The following ANKRD31 variants were observed in gnomAD, a reference collection of about 807,000 sequenced individuals.
ANKRD31 encodes ankyrin repeat domain-containing protein 31.
Under a neutral mutation model 186.0 loss-of-function variants are expected in ANKRD31, and 147 were observed. The ratio of observed to expected loss-of-function variants is 0.79; its 90% CI spans 0.69 to 0.91. ANKRD31 has a LOEUF of 0.91. Among genes scored for constraint, ANKRD31 ranks in the 40% least tolerant of loss-of-function variants. The pLI is 0.00. For synonymous variants in ANKRD31, 673 were observed against 736.4 expected (o/e 0.91, Z 1.39); for missense variants, 1,986 against 2,148.8 (o/e 0.92, Z 1.50).
Position 75,160,659 on chromosome 5 carries a change from G to A in ANKRD31, c.1708-6314C>T. Among the ~76,000 whole-genome samples the A allele has an allele frequency of 2.0e-5, 3 of 152,258 alleles. 1 individual carries two copies. The South Asian group carries it at 6.2e-4, about 32-fold the overall frequency. The stretch of plus-strand genomic sequence containing the variant: ...GACATACCATGCAAATGGCAAAAGA[G>A]ACCTGGAGTGGTGGTCTGGTTTGGC... On this transcript the variant is annotated intron_variant, in intron 11 of 25. Transcript: ENST00000506364.
intron 17 of ANKRD31, among the ~76,000 whole-genome samples, chr5:75,122,095 CTAAA>C (rs1748838369): frequency 6.6e-6 from 1 of 151,542 alleles, no homozygotes; most frequent in Non-Finnish European, 1.5e-5. Flanking sequence ...GAAAGAATAT[CTAAA>C]TAAACATAAT....
At chr5:75,158,015 G>A (rs542315434) in intron 11 of ANKRD31, among the ~76,000 whole-genome samples, 15 of 152,236 alleles carry the variant, frequency 9.9e-5, no homozygotes, top group Middle Eastern at 3.4e-3. Context: ...GGAGATTAGC[G>A]AATAGATAGT....
At chr5:75,179,046 G>A (rs1754056658) in intron 10 of ANKRD31, among the ~76,000 whole-genome samples, 1 of 152,044 alleles carries the variant, frequency 6.6e-6, no homozygotes, top group Non-Finnish European at 1.5e-5. Flanking sequence ...AAATGACAAA[G>A]GGGATATCAC....
intron 23 of ANKRD31, among the ~76,000 whole-genome samples, chr5:75,087,262 A>T (rs1043722244): frequency 6.6e-6 from 1 of 152,178 alleles, no homozygotes; most frequent in Non-Finnish European, 1.5e-5. Flanking sequence ...CTGTAACCCC[A>T]GCACTTTGGG....
At chr5:75,131,697 G>A (rs969434179) in intron 17 of ANKRD31, among the ~76,000 whole-genome samples, 9 of 152,180 alleles carry the variant, frequency 5.9e-5, no homozygotes, top group Admixed American at 4.6e-4. Flanking sequence ...ATCTGAGAAC[G>A]GACAGACTGC....
intron 6 of ANKRD31, among the ~76,000 whole-genome samples, chr5:75,198,583 C>G (rs1755620745): frequency 6.6e-6 from 1 of 152,110 alleles, no homozygotes; most frequent in African/African-American, 2.4e-5. Context: ...CTCAGAAGAT[C>G]TATTAATATT....
chr5:75,235,241 C>CTTTT (rs35626841), intron 1 of ANKRD31, among the ~76,000 whole-genome samples: 23 of 99,884 alleles, frequency 2.3e-4, no homozygotes, highest in African/African-American at 3.2e-4. Context: ...CTTGCTGGTA[C>CTTTT]TTTTTTTTTT....
chr5:75,180,447 C>G (rs1056600552), intron 10 of ANKRD31, among the ~76,000 whole-genome samples: 1 of 152,118 alleles, frequency 6.6e-6, no homozygotes, highest in South Asian at 2.1e-4. Flanking sequence ...GCCAAAAGAA[C>G]AAAGCTGGAG....
intron 19 of ANKRD31, among the ~76,000 whole-genome samples, chr5:75,115,804 C>G (rs11954242): frequency 0.5 from 75,813 of 150,216 alleles, 22,249 homozygotes; most frequent in African/African-American, 0.82. Flanking sequence ...CTTTTATACT[C>G]TTGGTGGGAC....
intron 10 of ANKRD31, among the ~76,000 whole-genome samples, chr5:75,183,859 C>T (rs924016566): frequency 5.9e-5 from 9 of 151,980 alleles, no homozygotes; most frequent in Admixed American, 4.6e-4. Flanking sequence ...AGATTCAATG[C>T]AATCTCTATC....
chr5:75,188,966 ATCT>A (rs1234486868), intron 9 of ANKRD31, among the ~76,000 whole-genome samples: 1 of 152,172 alleles, frequency 6.6e-6, no homozygotes, highest in African/African-American at 2.4e-5. Context: ...CTAACAGATA[ATCT>A]TCTTAAAAGT....
intron 17 of ANKRD31, among the ~76,000 whole-genome samples, chr5:75,130,230 G>A (rs1345687491): frequency 6.6e-6 from 1 of 152,198 alleles, no homozygotes; most frequent in East Asian, 1.9e-4. Context: ...GGTCTCGCTG[G>A]CTTCAAGAGT....
intron 2 of ANKRD31, among the ~76,000 whole-genome samples, chr5:75,222,926 T>C (rs1240643847): frequency 6.6e-6 from 1 of 152,238 alleles, no homozygotes; most frequent in Non-Finnish European, 1.5e-5. Context: ...GTCTTTATAG[T>C]ACAATGACTT....
At chr5:75,187,695 C>T (rs889511664) in intron 10 of ANKRD31, among the ~76,000 whole-genome samples, 5 of 152,012 alleles carry the variant, frequency 3.3e-5, no homozygotes, top group Non-Finnish European at 7.4e-5. Context: ...AAATAATATC[C>T]TGTTAAAATC....
chr5:75,088,169 C>T (rs1745643781), intron 23 of ANKRD31, among the ~76,000 whole-genome samples: 1 of 152,112 alleles, frequency 6.6e-6, no homozygotes, highest in Admixed American at 6.5e-5. Context: ...TTCTATGCTC[C>T]CACCCCAACC....
At chr5:75,076,628 A>C (rs901641574) in intron 25 of ANKRD31, among the ~76,000 whole-genome samples, 12 of 152,206 alleles carry the variant, frequency 7.9e-5, no homozygotes, top group African/African-American at 2.9e-4. Flanking sequence ...TGATTAACTA[A>C]ATCTTTAGCC....
chr5:75,138,921 C>A lies in ANKRD31; in HGVS notation c.3658G>T (p.Val1220Phe), dbSNP rs891561270. The change falls in exon 16 of 26, where the codon GTC becomes TTC. Residue 1220 changes from valine (V) to phenylalanine (F), a missense_variant. Val to Phe is a conservative substitution (Grantham distance 50). Coordinates refer to ENST00000506364, the MANE Select transcript of ANKRD31 (RefSeq NM_001372053.1). ...ACTAGGGGCAGATTTCCTCTTCTGA[C>A]AGCTAAATGAAGCTGGCTTTCCCCT... ...ARGESQLHLA[V>F]RRGNLPLVKA... The A allele has an allele frequency of 6.5e-7, 1 of 1,536,868 alleles. No individual in the cohort carries two copies. Among genetic ancestry groups the A allele is most frequent in the Non-Finnish European group, 8.7e-7 (1 of 1,146,652 alleles).
rs1265585587 is a variant in ANKRD31 at position 75,193,396 on chromosome 5, T to C, written c.1213A>G (p.Met405Val). 3.3e-6 allele frequency: 5 copies of C among 1,537,050 alleles called. No homozygotes were observed. In the African/African-American group the frequency reaches 4.1e-5, roughly 13 times the overall value. The change falls in exon 8 of 26, where the codon ATG becomes GTG. Residue 405 changes from methionine (M) to valine (V), a missense_variant. Met to Val is a conservative substitution (Grantham distance 21, BLOSUM62 1). Transcript: ENST00000506364. ...VSRDAKYSDH[M>V]YKMPEKILPK... is the part of the protein sequence containing the mutation. ...AAAATCTTTTCTGGCATCTTATACA[T>C]GTGATCTGAGTACTTTGCATCTCTG...
intron 17 of ANKRD31, among the ~76,000 whole-genome samples, chr5:75,125,815 G>A (rs1749203556): frequency 1.3e-5 from 2 of 152,140 alleles, no homozygotes; most frequent in African/African-American, 4.8e-5. Flanking sequence ...AGTTGGGAGG[G>A]AGCTCTAGGT....
Sources: gnomAD v4.1 joint callset for allele counts (sites outside exome capture counted in the v4.1 genomes callset) on GRCh38, gnomAD v4.1.1 for gene constraint, MANE v1.5 for transcripts, NCBI Gene and HGNC (gene_info 2026-07-23, HGNC 2026-07-21) for gene names.